Variants in OCIAD1 observed in about 807,000 individuals in gnomAD.
OCIAD1 encodes OCIA domain containing 1.
In OCIAD1, 29 loss-of-function variants were observed where a neutral mutation model predicts 38.9. The ratio of observed to expected loss-of-function variants is 0.74; its 90% confidence interval spans 0.55 to 1.02. OCIAD1 has a LOEUF of 1.02. Ranked by LOEUF, OCIAD1 falls within the 50% of genes least tolerant of loss-of-function variation. The pLI, the probability that OCIAD1 is intolerant of heterozygous loss-of-function variation, is 0.00. For missense variants in OCIAD1, 288 were observed against 289.6 expected (o/e 0.99, Z 0.04); for synonymous variants, 110 against 92.0 (o/e 1.20, Z -1.12).
At chr4:48,817,422 C>G (rs1241491313) in intron 1 of OCIAD1, among the ~76,000 whole-genome samples, 3 of 152,130 alleles carry the variant, frequency 2.0e-5, no homozygotes, top group African/African-American at 7.2e-5. Flanking sequence ...GGTTACTACA[C>G]TTTTTCCATG....
Position 48,848,403 on chromosome 4 carries a change from A to G in OCIAD1, c.198A>G (p.Ile66Met). 1 of 1,474,086 alleles carries G rather than the reference A, an allele frequency of 6.8e-7. No homozygotes were observed. Among genetic ancestry groups the G allele is most frequent in the Non-Finnish European group, 9.5e-7 (1 of 1,057,526 alleles). The allele number at this position is 1,474,086 out of a possible 1,614,324, so 91.3% of individuals were successfully genotyped here. A position where few individuals can be genotyped will look rare whatever the true frequency, so the allele number is the denominator to read the frequency against. ...ATACTTAACTCTTTTCTTTAGGAAT[A>G]CTTTCAAGTCATCCCAAATATGGTT... The part of the protein sequence containing the change: ...LITQGLISKG[I>M]LSSHPKYGSI... Residue 66 changes from isoleucine (I) to methionine (M), a missense_variant, in exon 5 of 9, where the codon ATA becomes ATG. Transcript: ENST00000264312.
chr4:48,806,440 C>G (rs1777025777), intron 1 of OCIAD1, among the ~76,000 whole-genome samples: 1 of 151,788 alleles, frequency 6.6e-6, no homozygotes, highest in African/African-American at 2.4e-5. Context: ...CTTTTCTACT[C>G]AGGAACACTC....
chr4:48,812,785 A>C (rs1215722948), intron 1 of OCIAD1, among the ~76,000 whole-genome samples: 8 of 152,186 alleles, frequency 5.3e-5, no homozygotes, highest in African/African-American at 9.7e-5. Flanking sequence ...AAAAAATGAG[A>C]ATGTGAGGTC....
chr4:48,850,066 C>A lies in OCIAD1; in HGVS notation c.361C>A (p.Arg121=). ...GEALRSGQAR[R]SSPPGHYYQK... is the part of the protein sequence containing the mutation. ...AGCTTTACGATCAGGACAAGCACGA[C>A]GATCTTCACCACCTGGGTAGGCCAG... The change falls in exon 6 of 9, where the codon CGA becomes AGA. Residue 121 remains arginine (R), a synonymous_variant. Coordinates refer to ENST00000264312, the MANE Select transcript of OCIAD1 (RefSeq NM_017830.4). The A allele has an allele frequency of 4.3e-6, 7 of 1,611,292 alleles. No individual in the cohort carries two copies. Among genetic ancestry groups the A allele is most frequent in the Non-Finnish European group, 5.9e-6 (7 of 1,179,346 alleles).
chr4:48,853,409 G>A (rs932330336), intron 7 of OCIAD1, among the ~76,000 whole-genome samples: 2 of 152,124 alleles, frequency 1.3e-5, no homozygotes, highest in Non-Finnish European at 2.9e-5. Context: ...ATTTACTGTA[G>A]TATTTTTCTA....
At chr4:48,836,259 G>T (rs981557430) in intron 3 of OCIAD1, among the ~76,000 whole-genome samples, 1 of 152,154 alleles carries the variant, frequency 6.6e-6, no homozygotes, top group African/African-American at 2.4e-5. Flanking sequence ...GGCAACGAAA[G>T]ACTTTTTAAA....
intron 5 of OCIAD1, 62 bp from the exon 6 acceptor site, chr4:48,849,885 A>G (rs1330543432): frequency 6.8e-7 from 1 of 1,469,318 alleles, no homozygotes. Flanking sequence ...TTTTTCTTTT[A>G]GAAAATACTT....
Position 48,833,300 on chromosome 4 carries a change from A to C in OCIAD1, c.59-101A>C, listed in dbSNP as rs1263809875. 3.0e-5 allele frequency: 21 copies of C among 700,592 alleles called. No homozygotes were observed. The Admixed American group carries it at 5.7e-4, about 19-fold the overall frequency. 43.4% of individuals were successfully genotyped at this position (700,592 alleles called of 1,614,324 possible). On this transcript the variant is annotated intron_variant, in intron 2 of 8. Transcript: ENST00000264312. ...GCCAGTTGTTTTATTATTTGAGTTT[A>C]AAAAATGGGTGCCTCTTGTTAATGT...
chr4:48,834,539 G>A (rs1777808249), intron 3 of OCIAD1, among the ~76,000 whole-genome samples: 1 of 152,178 alleles, frequency 6.6e-6, no homozygotes, highest in African/African-American at 2.4e-5. Flanking sequence ...GGAGGCTGAG[G>A]CAGGAGGATT....
At chr4:48,857,482 C>A in intron 8 of OCIAD1, 117 bp downstream of exon 8, 3 of 548,414 alleles carry the variant, frequency 5.5e-6, no homozygotes, top group Non-Finnish European at 8.7e-6. Flanking sequence ...AGCAATTAAC[C>A]AAAGTAAAAT....
chr4:48,831,494 C>T (rs1161094940), intron 1 of OCIAD1: 2 of 1,290,300 alleles, frequency 1.6e-6, no homozygotes, highest in African/African-American at 3.0e-5. Flanking sequence ...TCTGTAACGG[C>T]AGGTGGGAGA....
At chr4:48,831,626 G>T in intron 1 of OCIAD1, 1 of 1,096,478 alleles carries the variant, frequency 9.1e-7, no homozygotes, top group South Asian at 1.3e-5. Context: ...TGTCAGCCCT[G>T]ACAGTCTTCC....
intron 7 of OCIAD1, among the ~76,000 whole-genome samples, chr4:48,854,122 C>T (rs1329845831): frequency 6.6e-6 from 1 of 152,152 alleles, no homozygotes; most frequent in Admixed American, 6.5e-5. Context: ...ATCCATTCTT[C>T]TTGTACAGTA....
chr4:48,813,730 A>G (rs1057446770), intron 1 of OCIAD1, among the ~76,000 whole-genome samples: 2 of 152,330 alleles, frequency 1.3e-5, no homozygotes, highest in African/African-American at 4.8e-5. Context: ...AACTTCTAGC[A>G]TTTCTATAAC....
chr4:48,850,226 A>T, intron 6 of OCIAD1, 144 bp downstream of exon 6: 1 of 773,894 alleles, frequency 1.3e-6, no homozygotes, highest in Non-Finnish European at 2.1e-6. Flanking sequence ...TTTGCTTCAA[A>T]AATTGGAGCA....
chr4:48,810,922 G>A (rs996174154), intron 1 of OCIAD1, among the ~76,000 whole-genome samples: 6 of 137,870 alleles, frequency 4.4e-5, no homozygotes, highest in African/African-American at 1.7e-4. Context: ...TTGAGACGGA[G>A]TCTCACTCTG....
At position 48,832,683 on chromosome 4, in the gene OCIAD1, G is replaced by C. The variant is rs540190611; in HGVS notation, c.58+1G>C. 6.2e-7 allele frequency: 1 copy of C among 1,604,632 alleles called. No homozygotes were observed. Among genetic ancestry groups the C allele is most frequent in the African/African-American group, 1.3e-5 (1 of 74,738 alleles). On this transcript the variant is annotated splice_donor_variant, in intron 2 of 8. Transcript: ENST00000264312. LOFTEE classifies it high-confidence loss of function. ...GCAGAGGTTCCAAGACCAATTCCCC[G>C]TAACTATCTATTAAGTATTTATAAT...
At chr4:48,850,729 A>T (rs1295235588) in intron 6 of OCIAD1, among the ~76,000 whole-genome samples, 1 of 151,908 alleles carries the variant, frequency 6.6e-6, no homozygotes, top group African/African-American at 2.4e-5. Flanking sequence ...ATACACCACC[A>T]CGCCTAGCTA....
At chr4:48,822,623 G>C (rs1777205549) in intron 1 of OCIAD1, among the ~76,000 whole-genome samples, 1 of 152,136 alleles carries the variant, frequency 6.6e-6, no homozygotes, top group Admixed American at 6.6e-5. Context: ...CAGAATGGGA[G>C]AAAATTTTTG....
Sources: allele counts gnomAD v4.1 joint callset (sites outside exome capture counted in the v4.1 genomes callset), GRCh38; gene constraint gnomAD v4.1.1; transcripts MANE v1.5; gene names NCBI Gene and HGNC (gene_info 2026-07-23, HGNC 2026-07-21).